YIPF7: variants seen among roughly 807,000 people sequenced by gnomAD.
YIPF7 encodes the protein protein YIPF7.
YIPF7 carries 35 observed loss-of-function variants against 27.2 expected under a neutral mutation model. The observed-to-expected ratio is 1.29, with a 90% CI of 0.98 to 1.70. YIPF7 has a LOEUF of 1.70. Ranked by LOEUF, YIPF7 falls within the 40% of genes most tolerant of loss-of-function variation. The pLI is 0.00. For synonymous variants in YIPF7, 137 were observed against 110.4 expected (o/e 1.24, Z -1.51); for missense variants, 358 against 303.7 (o/e 1.18, Z -1.33).
chr4:44,632,497 G>T (rs563544193), intron 3 of YIPF7, among the ~76,000 whole-genome samples: 1 of 152,062 alleles, frequency 6.6e-6, no homozygotes, highest in African/African-American at 2.4e-5. Flanking sequence ...TTAACATATT[G>T]ATTTTACATT....
At chr4:44,650,926 GAA>G (rs1405236943) in intron 1 of YIPF7, among the ~76,000 whole-genome samples, 1 of 151,062 alleles carries the variant, frequency 6.6e-6, no homozygotes, top group Non-Finnish European at 1.5e-5. Flanking sequence ...AAAAAGTAGA[GAA>G]TAGAGAAGCG....
At chr4:44,659,631 A>G (rs1443025338) in intron 2 of YIPF7, among the ~76,000 whole-genome samples, 1 of 152,196 alleles carries the variant, frequency 6.6e-6, no homozygotes, top group African/African-American at 2.4e-5. Flanking sequence ...CAATAAAAAT[A>G]TCTAGTTTTA....
upstream of YIPF7, among the ~76,000 whole-genome samples, chr4:44,655,608 T>A (rs1713865322): frequency 6.6e-6 from 1 of 152,032 alleles, no homozygotes; most frequent in African/African-American, 2.4e-5. Context: ...ACAGGTTGTT[T>A]GTTACCAGTG....
chr4:44,659,247 C>T (rs577879736), intron 2 of YIPF7, among the ~76,000 whole-genome samples: 1 of 152,136 alleles, frequency 6.6e-6, no homozygotes, highest in Non-Finnish European at 1.5e-5. Context: ...TTAAGCTTGC[C>T]CTTACAATAT....
intron 3 of YIPF7, among the ~76,000 whole-genome samples, chr4:44,635,505 T>C (rs1277863304): frequency 6.6e-6 from 1 of 152,146 alleles, no homozygotes; most frequent in East Asian, 1.9e-4. Context: ...AAATATTAAT[T>C]TGAGAAAATA....
chr4:44,640,614 C>T (rs1174200662), intron 2 of YIPF7, among the ~76,000 whole-genome samples: 1 of 152,174 alleles, frequency 6.6e-6, no homozygotes, highest in Non-Finnish European at 1.5e-5. Flanking sequence ...CTTACAGCCC[C>T]CAGTCCAGAC....
chr4:44,624,762 A>C lies in YIPF7; in HGVS notation c.447T>G (p.Gly149=). The C allele has an allele frequency of 6.2e-7, 1 of 1,609,202 alleles. No homozygotes were observed. Among genetic ancestry groups the C allele is most frequent in the Admixed American group, 1.7e-5 (1 of 59,118 alleles). Reference sequence around the variant, plus strand: ...CAATGGCACTCATGCCATACACATAACCAAACTGAACTTTTCCTGCCTGAA... The same window carrying C: ...CAATGGCACTCATGCCATACACATACCCAAACTGAACTTTTCCTGCCTGAA... ...TLLLAGKVQF[G]YVYGMSAIGC... Residue 149 remains glycine, a synonymous_variant, in exon 5 of 6, where the codon GGT becomes GGG. Coordinates refer to ENST00000415895, the MANE Select transcript of YIPF7 (RefSeq NM_182592.3).
chr4:44,625,311 A>G (rs540082152), intron 4 of YIPF7, among the ~76,000 whole-genome samples: 1 of 152,188 alleles, frequency 6.6e-6, no homozygotes, highest in African/African-American at 2.4e-5. Context: ...CACATGAGGA[A>G]ACTGAGGTGC....
At chr4:44,623,557 A>G (rs1712517250) in intron 5 of YIPF7, among the ~76,000 whole-genome samples, 1 of 152,224 alleles carries the variant, frequency 6.6e-6, no homozygotes, top group Admixed American at 6.5e-5. Context: ...TAATTGAACC[A>G]AAGCAAAACA....
intron 2 of YIPF7, among the ~76,000 whole-genome samples, chr4:44,649,391 T>G (rs1713644777): frequency 6.6e-6 from 1 of 152,166 alleles, no homozygotes. Context: ...GGCAATTTAC[T>G]GAGATATGTT....
intron 3 of YIPF7, 68 bp downstream of exon 3, chr4:44,635,854 C>A: frequency 4.6e-6 from 7 of 1,528,906 alleles, no homozygotes; most frequent in South Asian, 1.2e-5. Flanking sequence ...TGACAGCACA[C>A]ATTAAGTGCT....
At chr4:44,638,217 T>G (rs2109588477) in intron 2 of YIPF7, among the ~76,000 whole-genome samples, 1 of 150,982 alleles carries the variant, frequency 6.6e-6, no homozygotes, top group East Asian at 2.0e-4. Flanking sequence ...GGATTTTTTT[T>G]TTTTTTTTTT....
chr4:44,636,774 A>G (rs1713137362), intron 2 of YIPF7, among the ~76,000 whole-genome samples: 1 of 152,060 alleles, frequency 6.6e-6, no homozygotes, highest in African/African-American at 2.4e-5. Context: ...ATTTGTACAA[A>G]TTTATGGGGT....
intron 2 of YIPF7, among the ~76,000 whole-genome samples, chr4:44,636,687 C>G (rs775665025): frequency 1.3e-5 from 2 of 152,076 alleles, no homozygotes; most frequent in Non-Finnish European, 2.9e-5. Context: ...CATTCCAAGA[C>G]AGTCATTGCC....
At chr4:44,661,343 GT>G (rs1714036770) in intron 1 of YIPF7, among the ~76,000 whole-genome samples, 1 of 152,168 alleles carries the variant, frequency 6.6e-6, no homozygotes, top group Non-Finnish European at 1.5e-5. Context: ...AACAACAAGG[GT>G]TTTAGAAATA....
chr4:44,658,343 T>A (rs1466466261), intron 2 of YIPF7, among the ~76,000 whole-genome samples: 2 of 152,182 alleles, frequency 1.3e-5, no homozygotes, highest in Non-Finnish European at 2.9e-5. Flanking sequence ...AGAACTCCAC[T>A]ATGCTGGCAC....
At chr4:44,646,956 T>C (rs1713548977) in intron 2 of YIPF7, among the ~76,000 whole-genome samples, 1 of 152,174 alleles carries the variant, frequency 6.6e-6, no homozygotes, top group African/African-American at 2.4e-5. Context: ...ATTCATGGTA[T>C]GAATAAAAGA....
At chr4:44,637,761 G>A (rs1029063301) in intron 2 of YIPF7, among the ~76,000 whole-genome samples, 2 of 151,950 alleles carry the variant, frequency 1.3e-5, no homozygotes, top group Non-Finnish European at 2.9e-5. Flanking sequence ...CCTTTCTCTC[G>A]AGTCCCCAAA....
intron 2 of YIPF7, among the ~76,000 whole-genome samples, chr4:44,644,636 C>T (rs2109595146): frequency 6.6e-6 from 1 of 152,204 alleles, no homozygotes; most frequent in Non-Finnish European, 1.5e-5. Flanking sequence ...TCAGGTGAGA[C>T]TTTGGACTTG....
Sources: allele counts gnomAD v4.1 joint callset (sites outside exome capture counted in the v4.1 genomes callset), GRCh38; gene constraint gnomAD v4.1.1; transcripts MANE v1.5; gene names NCBI Gene and HGNC (gene_info 2026-07-23, HGNC 2026-07-21).